PRR12: variants seen among roughly 807,000 people sequenced by gnomAD.
PRR12 encodes proline-rich protein 12.
Under a neutral mutation model 138.0 loss-of-function variants are expected in PRR12, and 12 were observed. That is an observed-to-expected ratio of 0.09 (90% CI 0.06 to 0.14). The LOEUF is 0.14. Ranked by LOEUF, PRR12 falls within the 10% of genes least tolerant of loss-of-function variation. The pLI, the probability that PRR12 is intolerant of heterozygous loss-of-function variation, is 1.00. For synonymous variants in PRR12, 1,567 were observed against 1,291.7 expected (o/e 1.21, Z -4.57); for missense variants, 2,692 against 2,861.3 (o/e 0.94, Z 1.35).
At position 49,595,181 on chromosome 19, in the gene PRR12, G is replaced by A. The variant is rs2080757716; in HGVS notation, c.846G>A (p.Leu282=). Residue 282 remains leucine, a synonymous_variant, in exon 4 of 14, where the codon CTG becomes CTA. Coordinates refer to ENST00000418929, the MANE Select transcript of PRR12 (RefSeq NM_020719.3). The stretch of plus-strand genomic sequence containing the variant: ...GCCCACCGCCGCCTGAGCGGGCCCT[G>A]CCACGCCAGGACACGGTCATCAAGC... ...APGPPPPERA[L]PRQDTVIKHY... is the part of the protein sequence containing the mutation. The A allele has an allele frequency of 6.2e-7, 1 of 1,607,946 alleles. No individual in the cohort carries two copies. Among genetic ancestry groups the A allele is most frequent in the Admixed American group, 1.7e-5 (1 of 59,568 alleles).
In PRR12 at chr19:49,594,564, C is replaced by T. The variant is rs1437544254; in HGVS notation, c.310C>T (p.Pro104Ser). Residue 104 changes from proline (P) to serine (S), a missense_variant, in exon 3 of 14, where the codon CCC becomes TCC. By Grantham distance (74) the Pro-to-Ser change is moderately conservative. Transcript: ENST00000418929. The surrounding 1 kb of genome is among the most constrained non-coding windows in gnomAD (Gnocchi z 5.6). ...ALESRGPQPG[P>S]SASSLLSQFR... ...GGAATCCCGGGGCCCCCAGCCTGGC[C>T]CCTCCGCCTCCTCTCTCCTCTCCCA... is the stretch of plus-strand genomic sequence containing the variant. The T allele has an allele frequency of 6.2e-7, 1 of 1,612,960 alleles. No homozygotes were observed. Among genetic ancestry groups the T allele is most frequent in the Admixed American group, 1.7e-5 (1 of 59,990 alleles).
In PRR12 at chr19:49,599,577, C is replaced by A; in HGVS notation, c.3984C>A (p.Ala1328=). ...GAGGCCTGCAGCCCCAGCCCCCTGC[C>A]ACCCCTGCTGTGCCACATCCCCCAC... The part of the protein sequence containing the change: ...PARGLQPQPP[A]TPAVPHPPPS... The change falls in exon 5 of 14, where the codon GCC becomes GCA. Residue 1328 remains alanine (A), a synonymous_variant. Coordinates refer to ENST00000418929, the MANE Select transcript of PRR12 (RefSeq NM_020719.3). This position sits in a 1 kb window ranked among gnomAD's most constrained non-coding sequence, Gnocchi z 5.0. The A allele has an allele frequency of 1.3e-6, 2 of 1,595,612 alleles. No homozygotes were observed. Among genetic ancestry groups the A allele is most frequent in the Non-Finnish European group, 1.7e-6 (2 of 1,170,986 alleles).
At chr19:49,608,661 G>A (rs1044523246) in intron 6 of PRR12, among the ~76,000 whole-genome samples, 6 of 151,810 alleles carry the variant, frequency 4.0e-5, no homozygotes, top group Admixed American at 2.0e-4. Flanking sequence ...GAGCCACCGC[G>A]CCCGGCCTCT....
rs1436425152 is a variant in PRR12, at chr19:49,595,480, C to T, written c.1145C>T (p.Pro382Leu). The T allele has an allele frequency of 1.3e-6, 2 of 1,553,032 alleles. No individual in the cohort carries two copies. The highest frequency in any genetic ancestry group is 2.4e-5 in the East Asian group (1 of 41,306). ...GAGGGGGGYR[P>L]IIQSPGYKTG... Reference sequence around the variant, plus strand: ...GGGGGTGGTGGTGGAGGTTACCGCCCCATCATTCAGTCGCCTGGGTACAAG... The same window carrying T: ...GGGGGTGGTGGTGGAGGTTACCGCCTCATCATTCAGTCGCCTGGGTACAAG... The change falls in exon 4 of 14, where the codon CCC (proline) becomes CTC (leucine). Residue 382 changes from proline to leucine, a missense_variant. Pro to Leu is a moderately conservative substitution (Grantham distance 98). This residue lies in a region of PRR12 where 523 missense variants were observed against 496.4 expected (regional missense o/e 1.05). Coordinates refer to ENST00000418929, the MANE Select transcript of PRR12 (RefSeq NM_020719.3).
rs550729394 is a variant in PRR12 at position 49,594,256 on chromosome 19, C to T, written c.200-198C>T. On this transcript the variant is annotated intron_variant, in intron 2 of 13. Transcript: ENST00000418929. This position sits in a 1 kb window ranked among gnomAD's most constrained non-coding sequence, Gnocchi z 5.6. ...CTGGATTGCCCCTTGTCTTGCTTTA[C>T]TGTCTCACCTTTCCCCCTTCCCTCC... is the stretch of plus-strand genomic sequence containing the variant. 5.9e-5 allele frequency among the ~76,000 whole-genome samples: 9 copies of T among 152,224 alleles called. No homozygotes were observed. The East Asian group carries it at 1.7e-3, about 29-fold the overall frequency.
chr19:49,608,767 G>T (rs1325337735), intron 6 of PRR12, among the ~76,000 whole-genome samples: 1 of 151,878 alleles, frequency 6.6e-6, no homozygotes, highest in East Asian at 1.9e-4. Context: ...CTGAGCCCAG[G>T]AAGTTGATGT....
intron 1 of PRR12, 61 bp from the exon 2 acceptor site, chr19:49,593,266 T>G: frequency 1.3e-6 from 1 of 753,054 alleles, no homozygotes; most frequent in Non-Finnish European, 2.1e-6. Flanking sequence ...GGGGGTTTTC[T>G]GAGCTTCCTT....
intron 2 of PRR12, 45 bp downstream of exon 2, chr19:49,593,484 C>T (rs755017122): frequency 1.9e-5 from 16 of 863,338 alleles, no homozygotes; most frequent in East Asian, 5.4e-5. Context: ...CCTCCCCCTC[C>T]CCCCGAGGCA....
At chr19:49,624,744 C>T (rs2080945677) in intron 11 of PRR12, 100 bp from the exon 12 acceptor site, 1 of 1,503,030 alleles carries the variant, frequency 6.7e-7, no homozygotes, top group East Asian at 2.3e-5. Flanking sequence ...TCCTGATCTG[C>T]AGCCTGGGGG....
chr19:49,614,509 C>T lies in PRR12; in HGVS notation c.4774-24C>T, dbSNP rs375588802. Reference sequence around the variant, plus strand: ...TAGGAATGAGGGCTGACCCTGCTGGCCTCACCACACCCCTCCTCCTCAGCT... The same window carrying T: ...TAGGAATGAGGGCTGACCCTGCTGGTCTCACCACACCCCTCCTCCTCAGCT... On this transcript the variant is annotated intron_variant, in intron 6 of 13. Transcript: ENST00000418929. This position sits in a 1 kb window ranked among gnomAD's most constrained non-coding sequence, Gnocchi z 5.0. The T allele has an allele frequency of 9.3e-6, 14 of 1,505,770 alleles. No individual in the cohort carries two copies. Among genetic ancestry groups the T allele is most frequent in the African/African-American group, 8.3e-5 (6 of 72,060 alleles). The allele number at this position is 1,505,770 out of a possible 1,614,324, so 93.3% of individuals were successfully genotyped here.
Position 49,614,732 on chromosome 19 carries a change from A to C in PRR12, c.4890+83A>C. 6.8e-7 allele frequency: 1 copy of C among 1,473,462 alleles called. No individual in the cohort carries two copies. The highest frequency in any genetic ancestry group is 9.3e-7 in the Non-Finnish European group (1 of 1,080,586). The allele number at this position is 1,473,462 out of a possible 1,614,324, so 91.3% of individuals were successfully genotyped here. ...TGGGGTTCCCCTTAGTGTGGCTGTGACTCACTCCACAGTGTATCTGGAAGG... is the reference window on the plus strand; with the variant it reads ...TGGGGTTCCCCTTAGTGTGGCTGTGCCTCACTCCACAGTGTATCTGGAAGG... On this transcript the variant is annotated intron_variant, in intron 7 of 13. Transcript: ENST00000418929. This position sits in a 1 kb window ranked among gnomAD's most constrained non-coding sequence, Gnocchi z 5.0.
At position 49,591,455 on chromosome 19, in the gene PRR12, C is replaced by CCCGCCCCT. The variant is rs1275480041; in HGVS notation, c.-191_-184dup. Among the ~76,000 whole-genome samples the CCCGCCCCT allele has an allele frequency of 3.0e-4, 42 of 140,594 alleles. No individual in the cohort carries two copies. In the East Asian group the frequency reaches 8.3e-3, roughly 28 times the overall value. 92.2% of individuals were successfully genotyped at this position (140,594 alleles called of 152,430 possible). ...CTCAGCGACTGCACCCCCTCCCTTG[C>CCCGCCCCT]CCGCCCCTCCGCCCCTGCCCCCTCC... On this transcript the variant is annotated 5_prime_UTR_variant, in exon 1 of 14. Transcript: ENST00000418929.
Position 49,596,361 on chromosome 19 carries a change from G to A in PRR12, c.2026G>A (p.Gly676Arg), listed in dbSNP as rs2080768727. Residue 676 changes from glycine (G) to arginine (R), a missense_variant, in exon 4 of 14, where the codon GGG becomes AGG. Physicochemically the swap from Gly to Arg is moderately radical, Grantham distance 125. Coordinates refer to ENST00000418929, the MANE Select transcript of PRR12 (RefSeq NM_020719.3). The surrounding 1 kb of genome is among the most constrained non-coding windows in gnomAD (Gnocchi z 5.6). ...AGCAGATGCCTCTAAGGGACTTGGG[G>A]GGAGTGGCGGGGCCGGGGGACCACC... ...GAADASKGLG[G>R]SGGAGGPPGT... 6.3e-7 allele frequency: 1 copy of A among 1,598,974 alleles called. No homozygotes were observed. Among genetic ancestry groups the A allele is most frequent in the Non-Finnish European group, 8.5e-7 (1 of 1,175,960 alleles).
intron 6 of PRR12, among the ~76,000 whole-genome samples, chr19:49,608,044 A>T: frequency 6.6e-6 from 1 of 152,118 alleles, no homozygotes; most frequent in South Asian, 2.1e-4. Context: ...AAAAACTGTT[A>T]ATGATGTTTT....
chr19:49,623,947 T>C (rs113340499), intron 11 of PRR12, among the ~76,000 whole-genome samples: 134 of 110,766 alleles, frequency 1.2e-3, no homozygotes, highest in Admixed American at 7.3e-3. Flanking sequence ...AGGATGGGGC[T>C]GGGAATTCTG....
In PRR12 at chr19:49,593,365, C is replaced by A. The variant is rs1268319874; in HGVS notation, c.125C>A (p.Thr42Lys). 2.5e-6 allele frequency: 4 copies of A among 1,612,054 alleles called. No homozygotes were observed. Among genetic ancestry groups the A allele is most frequent in the Non-Finnish European group, 3.4e-6 (4 of 1,179,236 alleles). ...AGCTCCAGGACCTCGCACCCCGAGA[C>A]GGACATCTTACACCGCCAGGCCTAT... ...YGSSRTSHPETDILHRQAYAA... is the reference protein window; with the variant it reads ...YGSSRTSHPEKDILHRQAYAA... The change falls in exon 2 of 14, where the codon ACG becomes AAG. Residue 42 changes from threonine (T) to lysine (K), a missense_variant. By Grantham distance (78) the Thr-to-Lys change is moderately conservative. This residue lies in a region of PRR12 where 211 missense variants were observed against 266.3 expected (regional missense o/e 0.79). Coordinates refer to ENST00000418929, the MANE Select transcript of PRR12 (RefSeq NM_020719.3).
At chr19:49,602,135 A>G (rs1354960073) in intron 6 of PRR12, among the ~76,000 whole-genome samples, 2 of 152,180 alleles carry the variant, frequency 1.3e-5, no homozygotes, top group East Asian at 3.8e-4. Context: ...TTACCTGTAT[A>G]TAAGGTAAAG....
At chr19:49,611,780 G>A (rs1454087234) in intron 6 of PRR12, among the ~76,000 whole-genome samples, 3 of 144,662 alleles carry the variant, frequency 2.1e-5, no homozygotes, top group Admixed American at 6.9e-5. Flanking sequence ...AAAAATAGCC[G>A]GGCGTGGTGG....
intron 5 of PRR12, among the ~76,000 whole-genome samples, 165 bp downstream of exon 5, chr19:49,600,103 A>C (rs2080801844): frequency 6.6e-6 from 1 of 152,224 alleles, no homozygotes; most frequent in African/African-American, 2.4e-5. Context: ...ATTTTGAGGA[A>C]GGTCTATCTT....
Sources: allele counts gnomAD v4.1 joint callset (sites outside exome capture counted in the v4.1 genomes callset), GRCh38; gene constraint gnomAD v4.1.1; regional missense constraint gnomAD v4.1.1; non-coding constraint Gnocchi (gnomAD v3.1); transcripts MANE v1.5; gene names NCBI Gene and HGNC (gene_info 2026-07-23, HGNC 2026-07-21).